ARHGAP39: variants seen among roughly 807,000 people sequenced by gnomAD.
ARHGAP39 encodes rho GTPase-activating protein 39.
Under a neutral mutation model 106.9 loss-of-function variants are expected in ARHGAP39, and 44 were observed. The observed-to-expected ratio is 0.41, with a 90% CI of 0.32 to 0.53. The LOEUF is 0.53. Ranked by LOEUF, ARHGAP39 falls within the 20% of genes least tolerant of loss-of-function variation. The probability of loss-of-function intolerance (pLI) is 0.21; values close to 1 mark genes in which losing one functional copy is unlikely to be tolerated. For synonymous variants in ARHGAP39, 768 were observed against 693.2 expected, an observed-to-expected ratio of 1.11 and a Z score of -1.69; for missense variants, 1,496 against 1,577.3, an observed-to-expected ratio of 0.95 and a Z score of 0.87.
In ARHGAP39 at chr8:144,646,569, C is replaced by T. The variant is rs957406605; in HGVS notation, c.-82+39117G>A. Among the ~76,000 whole-genome samples the T allele has an allele frequency of 2.0e-5, 3 of 152,160 alleles. No homozygotes were observed. Among genetic ancestry groups the T allele is most frequent in the Admixed American group, 6.5e-5 (1 of 15,276 alleles). ...AACAACTGGGGTGGGCACAGGCTGGCGGGCATGGAAGCCTCGTCCTTTCTG... is the reference window on the plus strand; with the variant it reads ...AACAACTGGGGTGGGCACAGGCTGGTGGGCATGGAAGCCTCGTCCTTTCTG... On this transcript the variant is annotated intron_variant, in intron 1 of 11. Transcript: ENST00000377307. The surrounding 1 kb of genome is among the most constrained non-coding windows in gnomAD (Gnocchi z 5.7).
At position 144,545,291 on chromosome 8, in the gene ARHGAP39, C is replaced by A; in HGVS notation, c.2479G>T (p.Gly827Cys). The change falls in exon 6 of 12, where the codon GGC becomes TGC. Residue 827 changes from glycine to cysteine, a missense_variant. By Grantham distance (159) the Gly-to-Cys change is radical. This residue lies in a region of ARHGAP39 where 470 missense variants were observed against 605.1 expected (regional missense o/e 0.78). Coordinates refer to ENST00000377307, the MANE Select transcript of ARHGAP39 (RefSeq NM_025251.3). ...PTPKFHSYLE[G>C]YIYRHMDPVN... ...GGGTCCATGTGCCGGTAGATGTAGCCTTCCAGGTAGGAGTGGAACTTGGGG... is the reference window on the plus strand; with the variant it reads ...GGGTCCATGTGCCGGTAGATGTAGCATTCCAGGTAGGAGTGGAACTTGGGG... The A allele has an allele frequency of 6.4e-7, 1 of 1,570,762 alleles. No individual in the cohort carries two copies. Among genetic ancestry groups the A allele is most frequent in the Non-Finnish European group, 8.7e-7 (1 of 1,153,366 alleles).
chr8:144,616,727 G>T (rs544950139), intron 1 of ARHGAP39, among the ~76,000 whole-genome samples: 1 of 152,260 alleles, frequency 6.6e-6, no homozygotes, highest in Non-Finnish European at 1.5e-5. Context: ...GGGTGCAGGA[G>T]GACCTGGGTC....
chr8:144,603,781 C>G (rs946055612), intron 2 of ARHGAP39, among the ~76,000 whole-genome samples: 1 of 151,966 alleles, frequency 6.6e-6, no homozygotes, highest in Non-Finnish European at 1.5e-5. Flanking sequence ...TTCTGTAAGA[C>G]CAGTATTCCC....
At chr8:144,633,272 C>T (rs1392606598) in intron 1 of ARHGAP39, among the ~76,000 whole-genome samples, 1 of 152,202 alleles carries the variant, frequency 6.6e-6, no homozygotes, top group Non-Finnish European at 1.5e-5. Context: ...TCCTGGCCAA[C>T]ATGGTGAAAC....
chr8:144,589,410 C>A (rs377206111), intron 2 of ARHGAP39, among the ~76,000 whole-genome samples: 1 of 152,286 alleles, frequency 6.6e-6, no homozygotes, highest in South Asian at 2.1e-4. Flanking sequence ...GGGACAGGAG[C>A]GCCCAGAGCA....
chr8:144,601,540 A>ATGTACCTGTGTGTG (rs1819946327), intron 2 of ARHGAP39, among the ~76,000 whole-genome samples: 1 of 105,182 alleles, frequency 9.5e-6, no homozygotes, highest in African/African-American at 4.2e-5. Flanking sequence ...GTGTGTGTGC[A>ATGTACCTGTGTGTG]TGGAGGCGTG....
chr8:144,639,904 G>A (rs192992350), intron 1 of ARHGAP39, among the ~76,000 whole-genome samples: 1 of 152,260 alleles, frequency 6.6e-6, no homozygotes, highest in East Asian at 1.9e-4. Context: ...TTGTTACACG[G>A]ATGCTTTGTC....
At chr8:144,596,603 G>A (rs926042627) in intron 2 of ARHGAP39, among the ~76,000 whole-genome samples, 47 of 152,228 alleles carry the variant, frequency 3.1e-4, no homozygotes, top group Admixed American at 2.4e-3. Context: ...CGGGGGCAGA[G>A]GAAGCCCTGC....
intron 1 of ARHGAP39, among the ~76,000 whole-genome samples, chr8:144,624,617 G>C (rs79699918): frequency 0.01 from 534 of 52,722 alleles, no homozygotes; most frequent in Middle Eastern, 0.038. Flanking sequence ...CCGGCGGCCC[G>C]GTTCACGGAG....
At chr8:144,605,756 G>A (rs1228805596) in intron 1 of ARHGAP39, 61 bp from the exon 2 acceptor site, 4 of 785,018 alleles carry the variant, frequency 5.1e-6, no homozygotes, top group East Asian at 5.4e-5. Flanking sequence ...CCAATCACCC[G>A]GCCCAGCCCA....
intron 4 of ARHGAP39, among the ~76,000 whole-genome samples, chr8:144,549,266 C>T (rs1564842500): frequency 6.6e-6 from 1 of 152,250 alleles, no homozygotes; most frequent in Non-Finnish European, 1.5e-5. Flanking sequence ...ACAGCCATGC[C>T]TGCTGTGCAG....
At chr8:144,653,166 T>C (rs888781747) in intron 1 of ARHGAP39, among the ~76,000 whole-genome samples, 1 of 152,040 alleles carries the variant, frequency 6.6e-6, no homozygotes, top group Non-Finnish European at 1.5e-5. Context: ...CGTGGTGGCA[T>C]GTGCCTGTAA....
upstream of ARHGAP39, among the ~76,000 whole-genome samples, chr8:144,686,719 C>T (rs1041872050): frequency 6.6e-6 from 1 of 152,202 alleles, no homozygotes; most frequent in Non-Finnish European, 1.5e-5. Context: ...TCACACTTCA[C>T]TCTTCACTCT....
Position 144,557,095 on chromosome 8 carries a change from G to GC in ARHGAP39, c.513-1453dup, listed in dbSNP as rs1817956353. 2.5e-5 allele frequency among the ~76,000 whole-genome samples: 3 copies of GC among 119,586 alleles called. No individual in the cohort carries two copies. In the South Asian group the frequency reaches 7.8e-4, roughly 31 times the overall value. The allele number at this position is 119,586 out of a possible 152,430, so 78.5% of individuals were successfully genotyped here. The stretch of plus-strand genomic sequence containing the variant: ...ACCTTCATAGTACTCAGAGGCAAAG[G>GC]CTGAACCTTCATAGTATTCAGAGGC... On this transcript the variant is annotated intron_variant, in intron 3 of 11. Coordinates refer to ENST00000377307, the MANE Select transcript of ARHGAP39 (RefSeq NM_025251.3).
chr8:144,578,263 C>G (rs1157953780), intron 3 of ARHGAP39, among the ~76,000 whole-genome samples: 1 of 152,194 alleles, frequency 6.6e-6, no homozygotes, highest in Non-Finnish European at 1.5e-5. Flanking sequence ...AAGTCTTGCT[C>G]TGTCACCCAG....
At chr8:144,694,308 G>C in the ARHGAP39 span, among the ~76,000 whole-genome samples, 9 of 152,180 alleles carry the variant, frequency 5.9e-5, no homozygotes, top group African/African-American at 2.2e-4. Flanking sequence ...GGGGAGTGGG[G>C]TCTGCAGGGT....
intron 2 of ARHGAP39, among the ~76,000 whole-genome samples, chr8:144,597,709 C>G (rs750241724): frequency 6.6e-6 from 1 of 152,108 alleles, no homozygotes; most frequent in East Asian, 1.9e-4. Flanking sequence ...GAAGAAAATA[C>G]GTGAAGAATT....
intron 6 of ARHGAP39, among the ~76,000 whole-genome samples, chr8:144,540,258 C>T (rs528478706): frequency 5.3e-5 from 8 of 152,232 alleles, no homozygotes; most frequent in South Asian, 4.1e-4. Context: ...TAGCCAGGTG[C>T]GGTGGTTCAG....
chr8:144,605,506 G>T, intron 2 of ARHGAP39, 29 bp downstream of exon 2: 1 of 1,612,496 alleles, frequency 6.2e-7, no homozygotes. Context: ...TGAGGCCCGG[G>T]CAGCTCCGCA....
Sources: allele counts gnomAD v4.1 joint callset (sites outside exome capture counted in the v4.1 genomes callset), GRCh38; gene constraint gnomAD v4.1.1; regional missense constraint gnomAD v4.1.1; non-coding constraint Gnocchi (gnomAD v3.1); transcripts MANE v1.5; gene names NCBI Gene and HGNC (gene_info 2026-07-23, HGNC 2026-07-21).